Variants in RBFOX3 observed in about 807,000 individuals in gnomAD.
RBFOX3 encodes RNA binding protein fox-1 homolog 3.
In RBFOX3, 17 loss-of-function variants were observed where a neutral mutation model predicts 48.7. The ratio of observed to expected loss-of-function variants is 0.35; its 90% confidence interval spans 0.24 to 0.52. RBFOX3 has a LOEUF of 0.52. RBFOX3 is among the 20% of genes least tolerant of loss of function. RBFOX3 has a pLI of 0.94. For synonymous variants in RBFOX3, 212 were observed against 209.5 expected (o/e 1.01, Z -0.10); for missense variants, 382 against 497.5 (o/e 0.77, Z 2.21).
At chr17:79,582,368 C>A (rs1294469322) in intron 1 of RBFOX3, among the ~76,000 whole-genome samples, 2 of 152,128 alleles carry the variant, frequency 1.3e-5, no homozygotes, top group Non-Finnish European at 2.9e-5. Context: ...AAGTGTCTGG[C>A]CCTGGAAAAG....
intron 1 of RBFOX3, among the ~76,000 whole-genome samples, chr17:79,572,919 G>T (rs2092729862): frequency 1.4e-5 from 2 of 144,722 alleles, no homozygotes; most frequent in Admixed American, 1.4e-4. Context: ...AGATAAGACA[G>T]CATAGCCAGT....
chr17:79,462,862 G>A (rs1252195293), intron 2 of RBFOX3, among the ~76,000 whole-genome samples: 1 of 152,200 alleles, frequency 6.6e-6, no homozygotes, highest in East Asian at 1.9e-4. Flanking sequence ...GCGGTTATCT[G>A]ACATTTACTT....
chr17:79,343,658 T>C (rs1216001307), intron 2 of RBFOX3, among the ~76,000 whole-genome samples: 4 of 152,208 alleles, frequency 2.6e-5, no homozygotes, highest in Non-Finnish European at 4.4e-5. Context: ...AGGTGTCACC[T>C]GGGATGGCTG....
chr17:79,422,228 G>C (rs1235655762), intron 2 of RBFOX3, among the ~76,000 whole-genome samples: 1 of 152,038 alleles, frequency 6.6e-6, no homozygotes, highest in Non-Finnish European at 1.5e-5. Context: ...CAGTTGGGAC[G>C]GGCACGCGGG....
In RBFOX3 at chr17:79,199,250, C is replaced by T. The variant is rs1430205882; in HGVS notation, c.-34+36516G>A. On this transcript the variant is annotated intron_variant, in intron 4 of 14. Coordinates refer to ENST00000693108, the MANE Select transcript of RBFOX3 (RefSeq NM_001350451.2). This position sits in a 1 kb window ranked among gnomAD's most constrained non-coding sequence, Gnocchi z 5.1. ...TTTCGAAAAGACCTCCCTAGCCCCC[C>T]ACCCTCGGCAGCACCACCCACCAGC... is the stretch of plus-strand genomic sequence containing the variant. Among the ~76,000 whole-genome samples, 4 of 152,310 alleles carry T rather than the reference C, an allele frequency of 2.6e-5. No homozygotes were observed. In the South Asian group the frequency reaches 6.2e-4, roughly 24 times the overall value.
chr17:79,321,305 G>A (rs1307315194), intron 2 of RBFOX3, among the ~76,000 whole-genome samples: 1 of 152,160 alleles, frequency 6.6e-6, no homozygotes, highest in Non-Finnish European at 1.5e-5. Flanking sequence ...CTCAGTGTCA[G>A]GGAAAGAAAA....
chr17:79,100,812 G>C (rs187557552), intron 9 of RBFOX3, among the ~76,000 whole-genome samples: 3 of 152,314 alleles, frequency 2.0e-5, no homozygotes, highest in Admixed American at 6.5e-5. Context: ...TGGTCCCCCT[G>C]CTTCTCCAGA....
At chr17:79,382,382 G>A (rs189253367) in intron 2 of RBFOX3, among the ~76,000 whole-genome samples, 38 of 152,300 alleles carry the variant, frequency 2.5e-4, no homozygotes, top group African/African-American at 8.4e-4. Flanking sequence ...CACCAACTGC[G>A]TTACCAAACA....
intron 3 of RBFOX3, among the ~76,000 whole-genome samples, chr17:79,272,504 G>A (rs961283622): frequency 6.6e-5 from 10 of 152,178 alleles, no homozygotes; most frequent in African/African-American, 1.7e-4. Flanking sequence ...GCTGCCGGCC[G>A]GCCTGGGGAG....
intron 5 of RBFOX3, among the ~76,000 whole-genome samples, chr17:79,112,918 G>GGGGGGGGGGGGGGGGGC (rs2032478069): frequency 1.2e-5 from 1 of 86,546 alleles, no homozygotes; most frequent in Admixed American, 1.2e-4. Context: ...GGGGGGGTGG[G>GGGGGGGGGGGGGGGGGC]CTGGGTAGGA....
In RBFOX3 at chr17:79,111,480, G is replaced by A. The variant is rs571058400; in HGVS notation, c.222+4014C>T. On this transcript the variant is annotated intron_variant, in intron 5 of 14. Transcript: ENST00000693108. The surrounding 1 kb of genome is among the most constrained non-coding windows in gnomAD (Gnocchi z 4.2). ...TCTCAGAGTTTTGCTCTGTCGCCCA[G>A]GCTGGAGTGCAGCGGCGTGATCTCA... Among the ~76,000 whole-genome samples, 30 of 152,208 alleles carry A rather than the reference G, an allele frequency of 2.0e-4. No homozygotes were observed. Among genetic ancestry groups the A allele is most frequent in the Non-Finnish European group, 3.8e-4 (26 of 68,036 alleles).
At chr17:79,180,646 G>A (rs1451709265) in intron 4 of RBFOX3, among the ~76,000 whole-genome samples, 2 of 152,130 alleles carry the variant, frequency 1.3e-5, no homozygotes, top group South Asian at 4.1e-4. Flanking sequence ...GGATAAGCGG[G>A]TTCCCAAACT....
At chr17:79,206,494 G>A (rs2057504475) in intron 4 of RBFOX3, among the ~76,000 whole-genome samples, 1 of 152,178 alleles carries the variant, frequency 6.6e-6, no homozygotes, top group Non-Finnish European at 1.5e-5. Flanking sequence ...CCGTCATCTT[G>A]AAGACTCTGT....
chr17:79,658,542 G>A, the RBFOX3 span, among the ~76,000 whole-genome samples: 1 of 150,142 alleles, frequency 6.7e-6, no homozygotes, highest in African/African-American at 2.5e-5. Context: ...ACCCATCACC[G>A]TGGCCAGTAT....
intron 4 of RBFOX3, among the ~76,000 whole-genome samples, chr17:79,142,755 G>A (rs577062917): frequency 6.6e-6 from 1 of 152,294 alleles, no homozygotes; most frequent in East Asian, 1.9e-4. Flanking sequence ...CGAAGTTGTT[G>A]AAAGATGGGT....
intron 2 of RBFOX3, among the ~76,000 whole-genome samples, chr17:79,464,899 C>T (rs374748167): frequency 1.3e-5 from 2 of 152,192 alleles, no homozygotes; most frequent in East Asian, 3.9e-4. Flanking sequence ...TCAGTGAAGT[C>T]GGATGGTCAC....
At chr17:79,409,912 G>C (rs909811466) in intron 2 of RBFOX3, among the ~76,000 whole-genome samples, 2 of 152,206 alleles carry the variant, frequency 1.3e-5, no homozygotes, top group East Asian at 3.8e-4. Flanking sequence ...GGGGTCAAGT[G>C]GCCTCAGCCT....
intron 2 of RBFOX3, among the ~76,000 whole-genome samples, chr17:79,314,716 T>A (rs117798951): frequency 6.6e-6 from 1 of 152,176 alleles, no homozygotes; most frequent in Non-Finnish European, 1.5e-5. Flanking sequence ...GAAGAGGCCA[T>A]GCATGTGCAT....
upstream of RBFOX3, among the ~76,000 whole-genome samples, chr17:79,613,304 C>A (rs905861757): frequency 6.6e-6 from 1 of 152,208 alleles, no homozygotes; most frequent in Admixed American, 6.5e-5. Context: ...ACAGGGCCTG[C>A]GCGTGAGGAC....
Sources: allele counts gnomAD v4.1 joint callset (sites outside exome capture counted in the v4.1 genomes callset), GRCh38; gene constraint gnomAD v4.1.1; non-coding constraint Gnocchi (gnomAD v3.1); transcripts MANE v1.5; gene names NCBI Gene and HGNC (gene_info 2026-07-23, HGNC 2026-07-21).